The following PRMT3 variants were observed in gnomAD, a reference collection of about 807,000 sequenced individuals.
PRMT3 encodes protein arginine methyltransferase 3.
A neutral mutation model predicts 71.9 loss-of-function variants in PRMT3; 62 were observed. The observed-to-expected ratio is 0.86, with a 90% CI of 0.70 to 1.07. The LOEUF is 1.07. Ranked by LOEUF, PRMT3 falls within the 50% of genes least tolerant of loss-of-function variation. The probability of loss-of-function intolerance (pLI) is 0.00; values close to 1 mark genes in which losing one functional copy is unlikely to be tolerated. For missense variants in PRMT3, 663 were observed against 643.0 expected (o/e 1.03, Z -0.34); for synonymous variants, 213 against 220.4 (o/e 0.97, Z 0.30).
chr11:20,506,051 C>T (rs550244915), intron 15 of PRMT3, among the ~76,000 whole-genome samples: 68 of 152,274 alleles, frequency 4.5e-4, no homozygotes, highest in Middle Eastern at 6.8e-3. Context: ...CACTAGCTGG[C>T]AGATGACCTT....
At chr11:20,489,889 C>T (rs1851166782) in intron 13 of PRMT3, among the ~76,000 whole-genome samples, 1 of 150,392 alleles carries the variant, frequency 6.6e-6, no homozygotes, top group South Asian at 2.1e-4. Context: ...TCAGTCTGGG[C>T]ACCATAGCGG....
chr11:20,433,994 A>T (rs1205693444), intron 10 of PRMT3, among the ~76,000 whole-genome samples: 1 of 152,110 alleles, frequency 6.6e-6, no homozygotes, highest in Non-Finnish European at 1.5e-5. Flanking sequence ...TGACACTCAG[A>T]CAGTGTTTAA....
intron 13 of PRMT3, among the ~76,000 whole-genome samples, chr11:20,470,379 T>G (rs941869910): frequency 1.3e-5 from 2 of 152,134 alleles, no homozygotes; most frequent in African/African-American, 4.8e-5. Context: ...TAGCTGTTCT[T>G]CCCTCAACCT....
chr11:20,452,152 C>CT lies in PRMT3; in HGVS notation c.1017dup (p.Met340TyrfsTer22), dbSNP rs1485273383. ...CAGGGCTATTTTCTTCTGTTTGAGT[C>CT]TATGTTAGATTCTGTCCTTTATGCA... is the stretch of plus-strand genomic sequence containing the variant. On this transcript the variant is annotated frameshift_variant, in exon 11 of 16. Coordinates refer to ENST00000331079, the MANE Select transcript of PRMT3 (RefSeq NM_005788.4). LOFTEE classifies it high-confidence loss of function. 1.9e-6 allele frequency: 3 copies of CT among 1,608,894 alleles called. No homozygotes were observed. The African/African-American group carries it at 4.0e-5, about 22-fold the overall frequency.
intron 4 of PRMT3, among the ~76,000 whole-genome samples, chr11:20,392,621 TG>T (rs369967376): frequency 2.0e-5 from 3 of 150,988 alleles, no homozygotes; most frequent in Admixed American, 1.3e-4. Context: ...TCAGATACTT[TG>T]TTTTTTTTTT....
intron 15 of PRMT3, 35 bp downstream of exon 15, chr11:20,494,289 C>A: frequency 6.9e-7 from 1 of 1,452,162 alleles, no homozygotes; most frequent in Non-Finnish European, 9.6e-7. Context: ...GTATCTTATT[C>A]ATTCTGAAGT....
chr11:20,407,407 C>A (rs7116248), intron 8 of PRMT3: 1 of 153,556 alleles, frequency 6.5e-6, no homozygotes, highest in Non-Finnish European at 1.4e-5. Flanking sequence ...TTTGTTACTA[C>A]GTTTTATTTG....
chr11:20,436,249 C>G (rs1452167434), intron 10 of PRMT3, among the ~76,000 whole-genome samples: 1 of 152,174 alleles, frequency 6.6e-6, no homozygotes, highest in East Asian at 1.9e-4. Context: ...CAAACAGGAA[C>G]AATTTGTCTC....
chr11:20,492,143 A>G (rs1465537323), intron 13 of PRMT3, among the ~76,000 whole-genome samples: 2 of 152,218 alleles, frequency 1.3e-5, no homozygotes, highest in African/African-American at 4.8e-5. Flanking sequence ...TACTATCGTA[A>G]CTAACATAAC....
In PRMT3 at chr11:20,448,797, T is replaced by C. The variant is rs552098501; in HGVS notation, c.994-3333T>C. Among the ~76,000 whole-genome samples the C allele has an allele frequency of 3.9e-5, 6 of 152,290 alleles. No homozygotes were observed. In the South Asian group the frequency reaches 8.3e-4, roughly 21 times the overall value. On this transcript the variant is annotated intron_variant, in intron 10 of 15. Transcript: ENST00000331079. Reference sequence around the variant, plus strand: ...TTTAATTCCATATGTTCCTTTATAGTAATCATTAAAGTATAAATGCAGTAT... The same window carrying C: ...TTTAATTCCATATGTTCCTTTATAGCAATCATTAAAGTATAAATGCAGTAT...
At chr11:20,398,277 T>A (rs908645377) in intron 7 of PRMT3, among the ~76,000 whole-genome samples, 2 of 152,186 alleles carry the variant, frequency 1.3e-5, no homozygotes, top group African/African-American at 2.4e-5. Flanking sequence ...TTCTTTGATA[T>A]AAAGTTTAAT....
chr11:20,402,885 C>G, intron 7 of PRMT3, 34 bp from the exon 8 acceptor site: 9 of 1,530,814 alleles, frequency 5.9e-6, no homozygotes, highest in Non-Finnish European at 8.1e-6. Context: ...TTAGACTGTC[C>G]TATAAACACA....
chr11:20,431,122 G>GC (rs1300634149), intron 10 of PRMT3, among the ~76,000 whole-genome samples: 2 of 152,156 alleles, frequency 1.3e-5, no homozygotes, highest in Admixed American at 1.3e-4. Context: ...ACGAGGCTTA[G>GC]CATTAGTAAA....
At position 20,508,666 on chromosome 11, in the gene PRMT3, C is replaced by A; in HGVS notation, c.*253C>A. The stretch of plus-strand genomic sequence containing the variant: ...CTCCACCAGATTTAACCAAATGTAA[C>A]TCCCACATTGAGTTTATCTATATTG... On this transcript the variant is annotated 3_prime_UTR_variant, in exon 16 of 16. Coordinates refer to ENST00000331079, the MANE Select transcript of PRMT3 (RefSeq NM_005788.4). The A allele has an allele frequency of 1.7e-6, 1 of 594,172 alleles. No homozygotes were observed. The allele number at this position is 594,172 out of a possible 1,614,324, so 36.8% of individuals were successfully genotyped here.
At chr11:20,408,250 T>C (rs1849116428) in intron 9 of PRMT3, among the ~76,000 whole-genome samples, 1 of 152,100 alleles carries the variant, frequency 6.6e-6, no homozygotes, top group African/African-American at 2.4e-5. Context: ...ATGAGAATTA[T>C]TTTTATATTG....
intron 9 of PRMT3, among the ~76,000 whole-genome samples, chr11:20,413,037 A>G (rs1269503506): frequency 6.6e-6 from 1 of 151,930 alleles, no homozygotes; most frequent in Non-Finnish European, 1.5e-5. Context: ...CTTACAAGGT[A>G]TGTATTGGTT....
chr11:20,471,095 G>A (rs980016360), intron 13 of PRMT3, among the ~76,000 whole-genome samples: 9 of 151,866 alleles, frequency 5.9e-5, no homozygotes, highest in Non-Finnish European at 1.3e-4. Context: ...ATTTGCATTA[G>A]TTCTCGGTAG....
At chr11:20,413,112 A>G (rs751381081) in intron 9 of PRMT3, among the ~76,000 whole-genome samples, 14 of 152,140 alleles carry the variant, frequency 9.2e-5, no homozygotes, top group African/African-American at 1.4e-4. Context: ...TTTGTTTTGG[A>G]TAAGCCAACA....
In PRMT3 at chr11:20,388,211, G is replaced by A. The variant is rs914993209; in HGVS notation, c.164+57G>A. The A allele has an allele frequency of 1.7e-5, 27 of 1,606,406 alleles. No homozygotes were observed. In the African/African-American group the frequency reaches 3.2e-4, roughly 19 times the overall value. ...TAGGGTGCCCGGGCGCGTGGGGTCT[G>A]TGTGCCCAGGAACGCCTTCGGGCGG... On this transcript the variant is annotated intron_variant, in intron 2 of 15. Coordinates refer to ENST00000331079, the MANE Select transcript of PRMT3 (RefSeq NM_005788.4).
Sources: allele counts gnomAD v4.1 joint callset (sites outside exome capture counted in the v4.1 genomes callset), GRCh38; gene constraint gnomAD v4.1.1; transcripts MANE v1.5; gene names NCBI Gene and HGNC (gene_info 2026-07-23, HGNC 2026-07-21).